Variants in KCNH5 observed in about 807,000 individuals in gnomAD.
KCNH5 encodes the protein voltage-gated delayed rectifier potassium channel KCNH5.
In KCNH5, 46 loss-of-function variants were observed where a neutral mutation model predicts 96.1. The ratio of observed to expected loss-of-function variants is 0.48; its 90% CI spans 0.38 to 0.61. The LOEUF (loss-of-function observed/expected upper bound fraction) is 0.61, where lower values mean the gene tolerates loss of function less well. Ranked by LOEUF, KCNH5 falls within the 20% of genes least tolerant of loss-of-function variation. The pLI, the probability that KCNH5 is intolerant of heterozygous loss-of-function variation, is 0.00. For missense variants in KCNH5, 907 were observed against 1,225.8 expected, an observed-to-expected ratio of 0.74 and a Z score of 3.88; for synonymous variants, 439 against 449.8, an observed-to-expected ratio of 0.98 and a Z score of 0.30.
chr14:62,934,782 G>A (rs1889646835), intron 7 of KCNH5, among the ~76,000 whole-genome samples: 2 of 152,218 alleles, frequency 1.3e-5, no homozygotes, highest in Admixed American at 6.5e-5. Flanking sequence ...CCAGGCCCTC[G>A]AGATAGCAAA....
intron 10 of KCNH5, among the ~76,000 whole-genome samples, chr14:62,753,552 C>T (rs995385544): frequency 3.3e-5 from 5 of 152,096 alleles, no homozygotes; most frequent in African/African-American, 1.2e-4. Context: ...AATAATCAAA[C>T]TCCCACAGGC....
intron 7 of KCNH5, among the ~76,000 whole-genome samples, chr14:62,927,852 C>T (rs537259440): frequency 1.3e-5 from 2 of 152,076 alleles, no homozygotes; most frequent in African/African-American, 4.8e-5. Flanking sequence ...GAACTGTATC[C>T]TTAAAAATTG....
intron 10 of KCNH5, among the ~76,000 whole-genome samples, chr14:62,750,076 A>T (rs1187927380): frequency 1.3e-5 from 2 of 152,162 alleles, no homozygotes; most frequent in Non-Finnish European, 2.9e-5. Context: ...AATATTTTAC[A>T]TGGGGGCATC....
At chr14:62,949,272 G>A (rs1484340785) in intron 7 of KCNH5, among the ~76,000 whole-genome samples, 1 of 152,162 alleles carries the variant, frequency 6.6e-6, no homozygotes, top group African/African-American at 2.4e-5. Context: ...CATTGTCTCA[G>A]CCCAAAATCT....
At chr14:62,882,100 TAAAAA>T (rs143123435) in intron 7 of KCNH5, among the ~76,000 whole-genome samples, 59 of 76,650 alleles carry the variant, frequency 7.7e-4, no homozygotes, top group South Asian at 3.8e-3. Flanking sequence ...CCCCATTTCT[TAAAAA>T]AAAAAAAAAA....
At chr14:63,003,491 A>T (rs1393639827) in intron 3 of KCNH5, among the ~76,000 whole-genome samples, 2 of 125,476 alleles carry the variant, frequency 1.6e-5, no homozygotes, top group Non-Finnish European at 3.1e-5. Context: ...TTTTATATAT[A>T]TTATATATAT....
intron 1 of KCNH5, among the ~76,000 whole-genome samples, chr14:63,029,690 T>A (rs899090019): frequency 6.6e-6 from 1 of 152,046 alleles, no homozygotes; most frequent in Non-Finnish European, 1.5e-5. Flanking sequence ...GACAGATTTT[T>A]TAATTAAGGC....
intron 7 of KCNH5, among the ~76,000 whole-genome samples, chr14:62,867,873 G>A (rs1888165045): frequency 6.6e-6 from 1 of 152,074 alleles, no homozygotes; most frequent in Non-Finnish European, 1.5e-5. Context: ...CTTCATTCAG[G>A]TCTCCTAAAT....
At chr14:62,911,596 A>T (rs1203755839) in intron 7 of KCNH5, among the ~76,000 whole-genome samples, 1 of 152,216 alleles carries the variant, frequency 6.6e-6, no homozygotes, top group Non-Finnish European at 1.5e-5. Flanking sequence ...ACATTGATTC[A>T]GAAATAGACA....
At chr14:62,741,719 T>C (rs950143003) in intron 10 of KCNH5, among the ~76,000 whole-genome samples, 4 of 152,182 alleles carry the variant, frequency 2.6e-5, no homozygotes, top group East Asian at 1.9e-4. Context: ...TTCCTACCTA[T>C]GTAATCATTC....
chr14:62,962,678 G>C (rs924174473), intron 6 of KCNH5, among the ~76,000 whole-genome samples: 1 of 152,226 alleles, frequency 6.6e-6, no homozygotes, highest in Admixed American at 6.5e-5. Flanking sequence ...GGATACTATG[G>C]AAAGTTGCTG....
At chr14:63,017,406 T>C (rs1044534709) in intron 1 of KCNH5, among the ~76,000 whole-genome samples, 2 of 151,928 alleles carry the variant, frequency 1.3e-5, no homozygotes, top group African/African-American at 2.4e-5. Flanking sequence ...ATTGCTGACA[T>C]GATGGAACAA....
chr14:62,741,047 G>A (rs925079868), intron 10 of KCNH5, among the ~76,000 whole-genome samples: 1 of 152,100 alleles, frequency 6.6e-6, no homozygotes, highest in Non-Finnish European at 1.5e-5. Context: ...GCTTATTAAT[G>A]TAAAAGATAT....
At chr14:62,821,240 T>C (rs1396140306) in intron 8 of KCNH5, among the ~76,000 whole-genome samples, 1 of 152,108 alleles carries the variant, frequency 6.6e-6, no homozygotes, top group Admixed American at 6.6e-5. Flanking sequence ...AGGTACATGA[T>C]AATGATTTCT....
At chr14:62,924,677 A>T (rs1195159845) in intron 7 of KCNH5, among the ~76,000 whole-genome samples, 1 of 151,984 alleles carries the variant, frequency 6.6e-6, no homozygotes, top group Non-Finnish European at 1.5e-5. Flanking sequence ...AACATGGATG[A>T]ACCTGGAGGA....
At chr14:62,898,274 G>A (rs945427862) in intron 7 of KCNH5, among the ~76,000 whole-genome samples, 1 of 152,108 alleles carries the variant, frequency 6.6e-6, no homozygotes, top group Non-Finnish European at 1.5e-5. Flanking sequence ...AGTGAACAAT[G>A]GCATAAAAGT....
intron 5 of KCNH5, among the ~76,000 whole-genome samples, chr14:62,984,977 T>G (rs535182282): frequency 6.6e-6 from 1 of 152,198 alleles, no homozygotes; most frequent in Admixed American, 6.5e-5. Context: ...CTGAATCAGG[T>G]GTGGTTAAGA....
At chr14:62,996,731 T>C (rs528544068) in intron 4 of KCNH5, among the ~76,000 whole-genome samples, 1 of 152,208 alleles carries the variant, frequency 6.6e-6, no homozygotes, top group Non-Finnish European at 1.5e-5. Flanking sequence ...AATAGATATG[T>C]AGTTACTGAC....
In KCNH5 at chr14:62,763,624, TA is replaced by T. The variant is rs553841930; in HGVS notation, c.2019+16103del. Among the ~76,000 whole-genome samples, 51 of 151,992 alleles carry T rather than the reference TA, an allele frequency of 3.4e-4. 1 individual carries two copies. The South Asian group carries it at 0.011, about 32-fold the overall frequency. ...TTTCCTTTGAAAGAATAAATAAAAC[TA>T]ACAGATCTCTAGCTATCCTAACAAA... On this transcript the variant is annotated intron_variant, in intron 10 of 10. Coordinates refer to ENST00000322893, the MANE Select transcript of KCNH5 (RefSeq NM_139318.5).
Sources: allele counts gnomAD v4.1 joint callset (sites outside exome capture counted in the v4.1 genomes callset), GRCh38; gene constraint gnomAD v4.1.1; transcripts MANE v1.5; gene names NCBI Gene and HGNC (gene_info 2026-07-23, HGNC 2026-07-21).